Variants in NAALADL2 observed in about 807,000 individuals in gnomAD.
The protein encoded by NAALADL2 is N-acetylated alpha-linked acidic dipeptidase like 2.
A neutral mutation model predicts 87.2 loss-of-function variants in NAALADL2; 76 were observed. That is an observed-to-expected ratio of 0.87 (90% CI 0.72 to 1.05). NAALADL2 has a LOEUF of 1.05. Among genes scored for constraint, NAALADL2 ranks in the 50% least tolerant of loss-of-function variants. The pLI, the probability that NAALADL2 is intolerant of heterozygous loss-of-function variation, is 0.00. For synonymous variants in NAALADL2, 354 were observed against 331.0 expected (o/e 1.07, Z -0.75); for missense variants, 1,089 against 945.8 (o/e 1.15, Z -1.99).
rs181126907 is a variant in NAALADL2, at chr3:175,468,197, T to A, written c.1533+1013T>A. On this transcript the variant is annotated intron_variant, in intron 8 of 13. Coordinates refer to ENST00000454872, the MANE Select transcript of NAALADL2 (RefSeq NM_207015.3). ...TTTAATTTGAAGTAAAGAATAGACT[T>A]AAAGATGAAAAAATTTTTTCAGTGT... Among the ~76,000 whole-genome samples the A allele has an allele frequency of 2.9e-4, 44 of 152,220 alleles. No individual in the cohort carries two copies. In the Middle Eastern group the frequency reaches 0.01, roughly 35 times the overall value.
intron 1 of NAALADL2, among the ~76,000 whole-genome samples, chr3:174,971,444 C>T (rs1743625991): frequency 6.6e-6 from 1 of 152,156 alleles, no homozygotes; most frequent in Non-Finnish European, 1.5e-5. Context: ...TTTAGACATT[C>T]CCAGAAAGGC....
chr3:175,586,813 A>G (rs9853688), intron 10 of NAALADL2, among the ~76,000 whole-genome samples: 3,218 of 152,300 alleles, frequency 0.021, 117 homozygotes, highest in African/African-American at 0.072. Context: ...CAACCATAAT[A>G]CATATAAGAA....
chr3:175,096,937 T>G lies in NAALADL2; in HGVS notation c.191T>G (p.Phe64Cys). ...KELEESGFDQ[F>C]QLDGAENQNL... ...CTAGAGGAGTCTGGTTTTGACCAAT[T>G]CCAGCTAGACGGTGCTGAGAATCAG... The change falls in exon 2 of 14, where the codon TTC (phenylalanine) becomes TGC (cysteine). Residue 64 changes from phenylalanine to cysteine, a missense_variant. Transcript: ENST00000454872. The G allele has an allele frequency of 6.2e-7, 1 of 1,613,370 alleles. No individual in the cohort carries two copies. The highest frequency in any genetic ancestry group is 2.2e-5 in the East Asian group (1 of 44,838).
chr3:175,266,329 AT>A (rs1181469071), intron 4 of NAALADL2, among the ~76,000 whole-genome samples: 1 of 150,758 alleles, frequency 6.6e-6, no homozygotes, highest in East Asian at 1.9e-4. Flanking sequence ...TATTGGAATA[AT>A]TTTACATTTT....
intron 10 of NAALADL2, among the ~76,000 whole-genome samples, chr3:175,580,720 C>T (rs968667353): frequency 6.6e-6 from 1 of 152,102 alleles, no homozygotes; most frequent in Non-Finnish European, 1.5e-5. Flanking sequence ...CATTGGTGTT[C>T]TCTCTAGATC....
At chr3:175,265,981 GA>G (rs1320099418) in intron 4 of NAALADL2, among the ~76,000 whole-genome samples, 1 of 140,440 alleles carries the variant, frequency 7.1e-6, no homozygotes, top group African/African-American at 2.6e-5. Flanking sequence ...TGGGTTTATA[GA>G]TCATATATAT....
chr3:175,327,204 G>T lies in NAALADL2; in HGVS notation c.1090+2879G>T, dbSNP rs185856149. Among the ~76,000 whole-genome samples the T allele has an allele frequency of 4.1e-3, 579 of 141,712 alleles. 5 individuals carry two copies. The highest frequency in any genetic ancestry group is 6.3e-3 in the Non-Finnish European group (418 of 66,680). The allele number at this position is 141,712 out of a possible 152,430, so 93.0% of individuals were successfully genotyped here. A position where few individuals can be genotyped will look rare whatever the true frequency, so the allele number is the denominator to read the frequency against. ...GGAGTCTCGCTCTGTCGCCCAGGCT[G>T]GAGTGCAGCGGCACAATCTGGGCTC... On this transcript the variant is annotated intron_variant, in intron 5 of 13. Transcript: ENST00000454872.
intron 5 of NAALADL2, among the ~76,000 whole-genome samples, chr3:175,391,768 G>A (rs1202982022): frequency 1.3e-5 from 2 of 152,004 alleles, no homozygotes; most frequent in Non-Finnish European, 2.9e-5. Context: ...CACATACTAA[G>A]GCAGGATCTT....
At chr3:175,600,812 C>T (rs1297499942) in intron 10 of NAALADL2, among the ~76,000 whole-genome samples, 2 of 152,086 alleles carry the variant, frequency 1.3e-5, no homozygotes, top group Non-Finnish European at 2.9e-5. Context: ...GCTGGGATTA[C>T]AGGCGTGAGC....
At chr3:175,398,351 T>TG (rs1770095739) in intron 5 of NAALADL2, among the ~76,000 whole-genome samples, 3 of 131,760 alleles carry the variant, frequency 2.3e-5, no homozygotes, top group East Asian at 4.0e-4. Context: ...CTACTTTTTT[T>TG]TTTTTTTTTT....
chr3:175,181,733 A>ATGTATATATG (rs1553802512), intron 2 of NAALADL2, among the ~76,000 whole-genome samples: 1 of 34,460 alleles, frequency 2.9e-5, no homozygotes, highest in Non-Finnish European at 6.5e-5. Flanking sequence ...ATATGTATAT[A>ATGTATATATG]TGTGTATATA....
chr3:174,479,673 G>A (rs1203691444), intron 1 of NAALADL2, among the ~76,000 whole-genome samples: 1 of 152,110 alleles, frequency 6.6e-6, no homozygotes, highest in East Asian at 1.9e-4. Flanking sequence ...TAGTAACCAA[G>A]TGTAAGCTAG....
At chr3:175,348,159 C>A (rs1763356513) in intron 5 of NAALADL2, among the ~76,000 whole-genome samples, 1 of 152,114 alleles carries the variant, frequency 6.6e-6, no homozygotes, top group African/African-American at 2.4e-5. Context: ...TCAAGCGATT[C>A]TCCTGCCTCA....
chr3:174,531,199 A>C (rs1279918646), intron 1 of NAALADL2, among the ~76,000 whole-genome samples: 1 of 151,226 alleles, frequency 6.6e-6, no homozygotes, highest in Non-Finnish European at 1.5e-5. Flanking sequence ...TTTTTAATCA[A>C]CTTTTATCAC....
chr3:174,941,697 A>G (rs1355077411), intron 1 of NAALADL2, among the ~76,000 whole-genome samples: 3 of 152,122 alleles, frequency 2.0e-5, no homozygotes, highest in Non-Finnish European at 4.4e-5. Flanking sequence ...GGGTGCATAT[A>G]TATTTAGGAT....
At chr3:175,248,699 C>T (rs1581112219) in intron 3 of NAALADL2, among the ~76,000 whole-genome samples, 2 of 152,202 alleles carry the variant, frequency 1.3e-5, no homozygotes, top group East Asian at 3.9e-4. Flanking sequence ...TTGCCGTGGC[C>T]ACTGTGTGAA....
chr3:174,998,263 G>A (rs1016585179), intron 1 of NAALADL2, among the ~76,000 whole-genome samples: 1 of 152,176 alleles, frequency 6.6e-6, no homozygotes, highest in Non-Finnish European at 1.5e-5. Flanking sequence ...GGGAAACTGA[G>A]GCAGCCAAAC....
At chr3:174,907,931 G>A (rs1185556723) in intron 1 of NAALADL2, among the ~76,000 whole-genome samples, 1 of 150,612 alleles carries the variant, frequency 6.6e-6, no homozygotes, top group Non-Finnish European at 1.5e-5. Flanking sequence ...ACAACATAAT[G>A]TGTACTTTAG....
Position 175,256,393 on chromosome 3 carries a change from T to C in NAALADL2, c.820-18T>C. ...TCCTCTGAGGCTTTATTTTTCTTTG[T>C]TTTTTCTCCTCTTTCAGGCTGAAGT... On this transcript the variant is annotated intron_variant, in intron 3 of 13. Transcript: ENST00000454872. 1 of 1,592,518 alleles carries C rather than the reference T, an allele frequency of 6.3e-7. No homozygotes were observed. Among genetic ancestry groups the C allele is most frequent in the Non-Finnish European group, 8.5e-7 (1 of 1,172,672 alleles).
Sources: gnomAD v4.1 joint callset for allele counts (sites outside exome capture counted in the v4.1 genomes callset) on GRCh38, gnomAD v4.1.1 for gene constraint, MANE v1.5 for transcripts, NCBI Gene and HGNC (gene_info 2026-07-23, HGNC 2026-07-21) for gene names.